SLC25A24: variants seen among roughly 807,000 people sequenced by gnomAD.
SLC25A24 encodes the protein solute carrier family 25 member 24, also known as mitochondrial adenyl nucleotide antiporter SLC25A24.
Under a neutral mutation model 60.7 loss-of-function variants are expected in SLC25A24, and 49 were observed. That is an observed-to-expected ratio of 0.81 (90% CI 0.64 to 1.02). SLC25A24 has a LOEUF of 1.02. SLC25A24 is among the 50% of genes least tolerant of loss of function. The pLI is 0.00. For missense variants in SLC25A24, 564 were observed against 586.3 expected (o/e 0.96, Z 0.39); for synonymous variants, 202 against 200.6 (o/e 1.01, Z -0.06).
At chr1:108,159,220 G>C (rs764199138) in intron 4 of SLC25A24, among the ~76,000 whole-genome samples, 9 of 152,160 alleles carry the variant, frequency 5.9e-5, no homozygotes, top group Non-Finnish European at 7.4e-5. Context: ...AACCTTTAAT[G>C]AATATTGTTA....
chr1:108,188,302 A>G (rs1016097877), intron 1 of SLC25A24, among the ~76,000 whole-genome samples: 8 of 152,102 alleles, frequency 5.3e-5, no homozygotes, highest in African/African-American at 1.7e-4. Flanking sequence ...ACAGGGTTCA[A>G]TTGTACCCCA....
chr1:108,180,619 T>TCTCTC (rs1491081939), intron 3 of SLC25A24, among the ~76,000 whole-genome samples: 43 of 2,422 alleles, frequency 0.018, no homozygotes, highest in African/African-American at 0.038. Context: ...GAGAAAGATC[T>TCTCTC]CTCTCTCTCT....
intron 3 of SLC25A24, among the ~76,000 whole-genome samples, chr1:108,178,079 C>T (rs1647756665): frequency 1.3e-5 from 2 of 152,142 alleles, no homozygotes; most frequent in Non-Finnish European, 2.9e-5. Flanking sequence ...AGGAGAATCG[C>T]TTGAACCGTG....
intron 3 of SLC25A24, among the ~76,000 whole-genome samples, chr1:108,167,259 G>A (rs1680283063): frequency 6.6e-6 from 1 of 151,348 alleles, no homozygotes; most frequent in African/African-American, 2.4e-5. Flanking sequence ...TCTGTGCCCT[G>A]CCCCCAGAGG....
intron 6 of SLC25A24, 63 bp downstream of exon 6, chr1:108,154,920 C>T: frequency 2.4e-6 from 3 of 1,267,508 alleles, no homozygotes; most frequent in African/African-American, 1.5e-5. Context: ...TATACATTAA[C>T]ATTTATTGAA....
At chr1:108,181,571 T>C (rs1647931473) in intron 3 of SLC25A24, among the ~76,000 whole-genome samples, 1 of 152,212 alleles carries the variant, frequency 6.6e-6, no homozygotes, top group South Asian at 2.1e-4. Flanking sequence ...CTAGGTTAAA[T>C]AATGTGATGA....
chr1:108,158,365 C>T (rs996713371), intron 4 of SLC25A24, among the ~76,000 whole-genome samples: 1 of 152,014 alleles, frequency 6.6e-6, no homozygotes. Flanking sequence ...AAGAGTGCAA[C>T]GGGGAGGAGC....
rs1648200952 is a variant in SLC25A24 at position 108,187,933 on chromosome 1, T to TGA, written c.184-1980_184-1979insTC. 2.1e-5 allele frequency among the ~76,000 whole-genome samples: 3 copies of TGA among 140,972 alleles called. 1 individual carries two copies. The highest frequency in any genetic ancestry group is 2.1e-4 in the Admixed American group (3 of 14,200). 92.5% of individuals were successfully genotyped at this position (140,972 alleles called of 152,430 possible). On this transcript the variant is annotated intron_variant, in intron 1 of 9. Transcript: ENST00000565488. ...AAATGGATAAGACATTATAGATATA[T>TGA]ATATATATATATTCATGCACTGTAT...
chr1:108,192,108 C>T lies in SLC25A24; in HGVS notation c.184-6154G>A, dbSNP rs1206548775. ...ATCAGAAAATTTCCAATCACCACCCCACTCCCAAATACACGTAGAGTGATT... is the reference window on the plus strand; with the variant it reads ...ATCAGAAAATTTCCAATCACCACCCTACTCCCAAATACACGTAGAGTGATT... On this transcript the variant is annotated intron_variant, in intron 1 of 9. Transcript: ENST00000565488. 1.4e-5 allele frequency among the ~76,000 whole-genome samples: 2 copies of T among 138,188 alleles called. 1 individual carries two copies. Among genetic ancestry groups the T allele is most frequent in the East Asian group, 5.3e-4 (2 of 3,768 alleles). 90.7% of individuals were successfully genotyped at this position (138,188 alleles called of 152,430 possible).
At chr1:108,164,349 A>G (rs1176029305) in intron 3 of SLC25A24, among the ~76,000 whole-genome samples, 1 of 149,668 alleles carries the variant, frequency 6.7e-6, no homozygotes, top group East Asian at 2.0e-4. Flanking sequence ...ATTGATTGGA[A>G]TAGTTTCAGA....
intron 3 of SLC25A24, among the ~76,000 whole-genome samples, chr1:108,171,252 G>A (rs1297057989): frequency 6.6e-6 from 1 of 151,566 alleles, no homozygotes; most frequent in Non-Finnish European, 1.5e-5. Context: ...AAAGTCTAAA[G>A]TTAATGTCTG....
chr1:108,136,580 A>C lies in SLC25A24; in HGVS notation c.*73T>G. On this transcript the variant is annotated 3_prime_UTR_variant, in exon 10 of 10. Coordinates refer to ENST00000565488, the MANE Select transcript of SLC25A24 (RefSeq NM_013386.5). ...GCTTCTTTTGCCATAGACTTGTTTC[A>C]ATTCGAGGAGAAAAAGTCACTCCAG... 1.5e-6 allele frequency: 2 copies of C among 1,315,784 alleles called. No individual in the cohort carries two copies. Among genetic ancestry groups the C allele is most frequent in the Non-Finnish European group, 2.1e-6 (2 of 935,502 alleles). 81.5% of individuals were successfully genotyped at this position (1,315,784 alleles called of 1,614,324 possible).
intron 6 of SLC25A24, among the ~76,000 whole-genome samples, chr1:108,151,258 T>G (rs1034841703): frequency 1.3e-5 from 2 of 151,828 alleles, no homozygotes; most frequent in African/African-American, 4.8e-5. Flanking sequence ...ACAAATCCCC[T>G]CCACCCAACA....
chr1:108,181,368 C>A (rs769531434), intron 3 of SLC25A24, among the ~76,000 whole-genome samples: 6 of 152,150 alleles, frequency 3.9e-5, no homozygotes, highest in Non-Finnish European at 5.9e-5. Flanking sequence ...TATTTGAGAG[C>A]ACCTGGGCTG....
At chr1:108,148,721 G>A (rs971405048) in intron 6 of SLC25A24, among the ~76,000 whole-genome samples, 6 of 152,102 alleles carry the variant, frequency 3.9e-5, no homozygotes, top group Non-Finnish European at 7.4e-5. Flanking sequence ...AGGCTTTCCC[G>A]CCTCTGAAAC....
At chr1:108,145,568 T>C (rs1162094624) in intron 7 of SLC25A24, among the ~76,000 whole-genome samples, 2 of 135,448 alleles carry the variant, frequency 1.5e-5, no homozygotes, top group Non-Finnish European at 3.3e-5. Flanking sequence ...CTTTAATCTA[T>C]CTTGAGTTAA....
intron 8 of SLC25A24, among the ~76,000 whole-genome samples, chr1:108,141,547 G>T (rs1679443379): frequency 6.6e-6 from 1 of 152,276 alleles, no homozygotes; most frequent in Middle Eastern, 3.4e-3. Flanking sequence ...ACAGTATCTT[G>T]AAGAGATATT....
At chr1:108,193,346 C>T (rs1055361347) in intron 1 of SLC25A24, among the ~76,000 whole-genome samples, 1 of 137,470 alleles carries the variant, frequency 7.3e-6, no homozygotes. Flanking sequence ...CTCCCTCCCC[C>T]CTTTTGGAGT....
At chr1:108,195,862 T>C (rs113447941) in intron 1 of SLC25A24, among the ~76,000 whole-genome samples, 2,088 of 152,036 alleles carry the variant, frequency 0.014, 49 homozygotes, top group African/African-American at 0.049. Context: ...TAACCAGGTG[T>C]GGTGGCATGT....
Sources: allele counts gnomAD v4.1 joint callset (sites outside exome capture counted in the v4.1 genomes callset), GRCh38; gene constraint gnomAD v4.1.1; transcripts MANE v1.5; gene names NCBI Gene and HGNC (gene_info 2026-07-23, HGNC 2026-07-21).